ZEB2: variants seen among roughly 807,000 people sequenced by gnomAD.
The protein encoded by ZEB2 is zinc finger E-box-binding homeobox 2.
ZEB2 carries 6 observed loss-of-function variants against 99.9 expected under a neutral mutation model. The ratio of observed to expected loss-of-function variants is 0.06; its 90% CI spans 0.03 to 0.12. The LOEUF is 0.12. Ranked by LOEUF, ZEB2 falls within the 10% of genes least tolerant of loss-of-function variation. ZEB2 has a pLI of 1.00. For missense variants in ZEB2, 969 were observed against 1,502.8 expected (o/e 0.64, Z 5.87); for synonymous variants, 517 against 542.5 (o/e 0.95, Z 0.65).
intron 3 of ZEB2, among the ~76,000 whole-genome samples, chr2:144,425,734 A>G (rs975256710): frequency 6.6e-6 from 1 of 152,184 alleles, no homozygotes; most frequent in Non-Finnish European, 1.5e-5. Flanking sequence ...AGGACAGAGC[A>G]GGATAGCTGA....
chr2:144,462,299 CT>C (rs1560634283), intron 2 of ZEB2: 1 of 152,124 alleles, frequency 6.6e-6, no homozygotes, highest in African/African-American at 2.4e-5. Context: ...GTTTTTCTTC[CT>C]TTTAAATGGT....
In ZEB2 at chr2:144,404,993, C is replaced by T; in HGVS notation, c.435G>A (p.Glu145=). Residue 145 remains glutamate (E), a synonymous_variant, in exon 5 of 10, where the codon GAG becomes GAA. Coordinates refer to ENST00000627532, the MANE Select transcript of ZEB2 (RefSeq NM_014795.4). The stretch of plus-strand genomic sequence containing the variant: ...CCAGTTTTCTTTTGGCAAAGTATTC[C>T]TCAAAATCTGATGTGCAATTTGCAT... ...VKNANCTSDF[E]EYFAKRKLEE... 2 of 1,614,146 alleles carry T rather than the reference C, an allele frequency of 1.2e-6. No homozygotes were observed. The highest frequency in any genetic ancestry group is 1.7e-6 in the Non-Finnish European group (2 of 1,180,036).
At chr2:144,517,713 C>G in intron 1 of ZEB2, 1 of 702,840 alleles carries the variant, frequency 1.4e-6, no homozygotes, top group Non-Finnish European at 2.6e-6. Flanking sequence ...CACGGCGGTA[C>G]AGTAAGACCG....
At position 144,399,735 on chromosome 2, in the gene ZEB2, T is replaced by C. The variant is rs1703283618; in HGVS notation, c.1452A>G (p.Ser484=). 1.2e-6 allele frequency: 2 copies of C among 1,613,718 alleles called. No homozygotes were observed. The highest frequency in any genetic ancestry group is 1.7e-5 in the Admixed American group (1 of 59,930). The change falls in exon 8 of 10, where the codon TCA becomes TCG. Residue 484 remains serine (S), a synonymous_variant. Coordinates refer to ENST00000627532, the MANE Select transcript of ZEB2 (RefSeq NM_014795.4). The surrounding 1 kb of genome is among the most constrained non-coding windows in gnomAD (Gnocchi z 5.6). ...CCTTCATGTGATAACCTTTCAACTT[T>C]GAAATTTCTTCAGCCTTGCAGTCCA... is the stretch of plus-strand genomic sequence containing the variant. ...QKMDCKAEEI[S]KLKGYHMKDP... is the part of the protein sequence containing the mutation.
chr2:144,488,907 A>G (rs894391179), intron 2 of ZEB2, among the ~76,000 whole-genome samples: 4 of 152,210 alleles, frequency 2.6e-5, no homozygotes, highest in African/African-American at 9.6e-5. Context: ...TTTCTCCAGC[A>G]TGGTTGACTA....
intron 2 of ZEB2, among the ~76,000 whole-genome samples, chr2:144,504,830 A>G (rs1292580272): frequency 6.6e-6 from 1 of 152,204 alleles, no homozygotes; most frequent in African/African-American, 2.4e-5. Flanking sequence ...CTAATTTGTG[A>G]GACTACAGAA....
At chr2:144,475,757 C>T (rs1324141439) in intron 2 of ZEB2, among the ~76,000 whole-genome samples, 3 of 152,178 alleles carry the variant, frequency 2.0e-5, no homozygotes, top group Non-Finnish European at 4.4e-5. Flanking sequence ...AATTTGTCCA[C>T]TCTTGGACTT....
rs200879835 is a variant in ZEB2, at chr2:144,404,145, CAGAG to C, written c.593-19_593-16del. The C allele has an allele frequency of 8.7e-6, 14 of 1,603,976 alleles. No individual in the cohort carries two copies. Among genetic ancestry groups the C allele is most frequent in the Non-Finnish European group, 1.2e-5 (14 of 1,173,858 alleles). ...AGGTGGCAGGTCTGTAGCCGAGAGA[CAGAG>C]AGAGAGAGAAGCGGGCCAAAAGGTC... On this transcript the variant is annotated splice_polypyrimidine_tract_variant and intron_variant, in intron 5 of 9. Coordinates refer to ENST00000627532, the MANE Select transcript of ZEB2 (RefSeq NM_014795.4).
intron 6 of ZEB2, among the ~76,000 whole-genome samples, 161 bp from the exon 7 acceptor site, chr2:144,401,468 T>C (rs571892677): frequency 6.6e-6 from 1 of 152,386 alleles, no homozygotes; most frequent in South Asian, 2.1e-4. Context: ...AAAGTGATAA[T>C]GTTGGTAATA....
In ZEB2 at chr2:144,385,056, C is replaced by T. The variant is rs1235729954; in HGVS notation, c.*4395G>A. ...TATATAGAATGATCAGATGAGTCAC[C>T]TGTGATTTTTCTTAATGTCTTCAAA... On this transcript the variant is annotated 3_prime_UTR_variant, in exon 10 of 10. Transcript: ENST00000627532. 6.6e-6 allele frequency: 1 copy of T among 152,036 alleles called. No individual in the cohort carries two copies. Among genetic ancestry groups the T allele is most frequent in the Non-Finnish European group, 1.5e-5 (1 of 67,992 alleles). The allele number at this position is 152,036 out of a possible 1,614,324, so 9.4% of individuals were successfully genotyped here.
At chr2:144,435,172 T>C (rs972589947) in intron 2 of ZEB2, among the ~76,000 whole-genome samples, 1 of 152,158 alleles carries the variant, frequency 6.6e-6, no homozygotes, top group African/African-American at 2.4e-5. Context: ...GCCCTTCACT[T>C]AGAAATTTAT....
intron 2 of ZEB2, among the ~76,000 whole-genome samples, chr2:144,446,199 C>T (rs1560627581): frequency 6.6e-6 from 1 of 152,154 alleles, no homozygotes; most frequent in East Asian, 1.9e-4. Flanking sequence ...ATAACATTTT[C>T]AAACATTCAT....
chr2:144,514,382 TC>T (rs1469099098), intron 2 of ZEB2: 1 of 152,278 alleles, frequency 6.6e-6, no homozygotes, highest in African/African-American at 2.4e-5. Flanking sequence ...CATCTTTTTT[TC>T]CCTTCCAGCT....
chr2:144,411,997 C>T (rs1294632219), intron 4 of ZEB2, among the ~76,000 whole-genome samples: 5 of 152,322 alleles, frequency 3.3e-5, no homozygotes, highest in South Asian at 4.1e-4. Context: ...AGGCCGGGCA[C>T]GGTGGCTTAC....
chr2:144,441,083 C>A (rs1666328582), intron 2 of ZEB2, among the ~76,000 whole-genome samples: 1 of 147,798 alleles, frequency 6.8e-6, no homozygotes, highest in African/African-American at 2.5e-5. Context: ...TGCTTGGACA[C>A]CACAGCGCCT....
intron 2 of ZEB2, among the ~76,000 whole-genome samples, chr2:144,498,006 A>AAT (rs1440515380): frequency 0.73 from 4,545 of 6,236 alleles, 2,201 homozygotes; most frequent in Non-Finnish European, 0.76. Context: ...TATATTATAT[A>AAT]ATATATTAAT....
chr2:144,512,850 G>A (rs1478141644), intron 2 of ZEB2: 4 of 1,287,114 alleles, frequency 3.1e-6, no homozygotes, highest in East Asian at 1.1e-4. Context: ...AAAAAGGATG[G>A]AGATGGATAT....
chr2:144,421,805 T>C (rs1012664861), intron 4 of ZEB2, among the ~76,000 whole-genome samples: 72 of 152,314 alleles, frequency 4.7e-4, no homozygotes, highest in African/African-American at 1.5e-3. Context: ...CTGAGTATAT[T>C]TGCATAACTC....
At chr2:144,456,793 T>C (rs1200076808) in intron 2 of ZEB2, among the ~76,000 whole-genome samples, 3 of 152,036 alleles carry the variant, frequency 2.0e-5, no homozygotes, top group Non-Finnish European at 4.4e-5. Flanking sequence ...ACAAGCAGAT[T>C]TCACAATCAG....
Sources: gnomAD v4.1 joint callset for allele counts (sites outside exome capture counted in the v4.1 genomes callset) on GRCh38, gnomAD v4.1.1 for gene constraint, Gnocchi (gnomAD v3.1) non-coding constraint, MANE v1.5 for transcripts, NCBI Gene and HGNC (gene_info 2026-07-23, HGNC 2026-07-21) for gene names.